The following CALN1 variants were observed in gnomAD, a reference collection of about 807,000 sequenced individuals.
The protein encoded by CALN1 is calneuron 1.
A neutral mutation model predicts 30.6 loss-of-function variants in CALN1; 17 were observed. The ratio of observed to expected loss-of-function variants is 0.56; its 90% CI spans 0.38 to 0.83. CALN1 has a LOEUF of 0.83. Ranked by LOEUF, CALN1 falls within the 40% of genes least tolerant of loss-of-function variation. The pLI is 0.00. For missense variants in CALN1, 291 were observed against 354.9 expected, an observed-to-expected ratio of 0.82 and a Z score of 1.45; for synonymous variants, 156 against 131.4, an observed-to-expected ratio of 1.19 and a Z score of -1.28.
intron 2 of CALN1, among the ~76,000 whole-genome samples, chr7:72,323,057 GA>G (rs1175341621): frequency 0.015 from 1,800 of 121,998 alleles, 23 homozygotes; most frequent in African/African-American, 0.039. Flanking sequence ...AAACCACACA[GA>G]AAAAAAAAAA....
At chr7:72,220,939 A>G (rs1359512625) in intron 3 of CALN1, among the ~76,000 whole-genome samples, 2 of 152,094 alleles carry the variant, frequency 1.3e-5, no homozygotes, top group Non-Finnish European at 2.9e-5. Context: ...GATTCTGGGT[A>G]TTAGCCCTTT....
chr7:71,902,104 A>G (rs1793882069), intron 5 of CALN1, among the ~76,000 whole-genome samples: 1 of 152,116 alleles, frequency 6.6e-6, no homozygotes, highest in Non-Finnish European at 1.5e-5. Flanking sequence ...TTAAAAAGTG[A>G]GCAAAGGACA....
chr7:72,265,923 T>C (rs942542346), intron 3 of CALN1, among the ~76,000 whole-genome samples: 2 of 151,934 alleles, frequency 1.3e-5, no homozygotes, highest in African/African-American at 4.8e-5. Flanking sequence ...CATTTGAGCC[T>C]AGGAGTTCCA....
At chr7:72,334,929 G>C (rs1008103591) in intron 2 of CALN1, among the ~76,000 whole-genome samples, 1 of 152,188 alleles carries the variant, frequency 6.6e-6, no homozygotes, top group African/African-American at 2.4e-5. Flanking sequence ...TCTTCCACCA[G>C]GGCAGGCTAC....
intron 2 of CALN1, among the ~76,000 whole-genome samples, chr7:72,349,826 C>A (rs1326566116): frequency 6.6e-6 from 1 of 152,122 alleles, no homozygotes; most frequent in African/African-American, 2.4e-5. Context: ...CTTATAGATT[C>A]TGGATATTAG....
rs1280855097 is a variant in CALN1 at position 72,336,962 on chromosome 7, G to A, written c.120-58152C>T. On this transcript the variant is annotated intron_variant, in intron 2 of 6. Transcript: ENST00000395275. ...GCACGAGCCCCCTCGTCGACTCGGAGCGCGATCTGGGCGCGTGCCTCCCTG... is the reference window on the plus strand; with the variant it reads ...GCACGAGCCCCCTCGTCGACTCGGAACGCGATCTGGGCGCGTGCCTCCCTG... 2.6e-5 allele frequency: 26 copies of A among 985,060 alleles called. No individual in the cohort carries two copies. In the Admixed American group the frequency reaches 1.6e-3, roughly 61 times the overall value. The allele number at this position is 985,060 out of a possible 1,614,324, so 61.0% of individuals were successfully genotyped here. A position where few individuals can be genotyped will look rare whatever the true frequency, so the allele number is the denominator to read the frequency against.
chr7:71,856,053 A>AT (rs1790929625), intron 5 of CALN1, among the ~76,000 whole-genome samples: 2 of 151,940 alleles, frequency 1.3e-5, no homozygotes, highest in Admixed American at 1.3e-4. Flanking sequence ...ATATGTATAT[A>AT]TTTGAGAGTT....
chr7:72,302,969 A>G (rs1386538041), intron 2 of CALN1, among the ~76,000 whole-genome samples: 2 of 150,942 alleles, frequency 1.3e-5, no homozygotes, highest in Non-Finnish European at 2.9e-5. Flanking sequence ...GTTACCACAG[A>G]GACTGAGGCA....
At chr7:72,077,648 A>T (rs1804842022) in intron 4 of CALN1, among the ~76,000 whole-genome samples, 1 of 152,156 alleles carries the variant, frequency 6.6e-6, no homozygotes, top group Non-Finnish European at 1.5e-5. Flanking sequence ...TTCCCTGGAC[A>T]AAATCTATAG....
At chr7:72,340,287 G>A (rs1459275105) in intron 2 of CALN1, among the ~76,000 whole-genome samples, 1 of 152,110 alleles carries the variant, frequency 6.6e-6, no homozygotes, top group Admixed American at 6.5e-5. Context: ...TGCCCAGGCT[G>A]GTCTCAAACT....
rs182313235 is a variant in CALN1, at chr7:72,175,857, T to C, written c.245-69563A>G. On this transcript the variant is annotated intron_variant, in intron 3 of 6. Transcript: ENST00000395275. Reference sequence around the variant, plus strand: ...GGCACAGAGGAAGAGGGAAAGTCTCTTAGGTAACCACCAAACTTCACATTC... The same window carrying C: ...GGCACAGAGGAAGAGGGAAAGTCTCCTAGGTAACCACCAAACTTCACATTC... Among the ~76,000 whole-genome samples, 793 of 152,280 alleles carry C rather than the reference T, an allele frequency of 5.2e-3. 3 individuals are homozygous for C. Among genetic ancestry groups the C allele is most frequent in the Non-Finnish European group, 8.6e-3 (586 of 68,022 alleles).
At chr7:72,484,600 G>A in the CALN1 span, among the ~76,000 whole-genome samples, 12 of 151,982 alleles carry the variant, frequency 7.9e-5, no homozygotes, top group Non-Finnish European at 1.8e-4. Context: ...GTTGAGGGTC[G>A]CCCTCTGGTA....
chr7:72,273,716 G>A (rs1340770585), intron 3 of CALN1, among the ~76,000 whole-genome samples: 2 of 151,632 alleles, frequency 1.3e-5, no homozygotes, highest in Admixed American at 6.6e-5. Flanking sequence ...TCCCTATGTT[G>A]CCCAGGCTGG....
intron 2 of CALN1, among the ~76,000 whole-genome samples, chr7:72,319,532 C>G (rs1800724563): frequency 1.3e-5 from 2 of 152,164 alleles, no homozygotes; most frequent in African/African-American, 4.8e-5. Context: ...GGTGGGGACA[C>G]AGCCAAACCA....
chr7:72,407,901 A>T (rs1806813527), intron 1 of CALN1, among the ~76,000 whole-genome samples: 1 of 152,020 alleles, frequency 6.6e-6, no homozygotes, highest in Non-Finnish European at 1.5e-5. Flanking sequence ...AGACACAAAC[A>T]CACGGAACCG....
chr7:72,479,823 T>A, the CALN1 span, among the ~76,000 whole-genome samples: 63 of 152,314 alleles, frequency 4.1e-4, no homozygotes, highest in African/African-American at 1.4e-3. Context: ...AGTGCTGGGA[T>A]AACAGGCATG....
chr7:72,460,565 G>A, the CALN1 span, among the ~76,000 whole-genome samples: 1 of 152,162 alleles, frequency 6.6e-6, no homozygotes, highest in Non-Finnish European at 1.5e-5. Context: ...CCTGGAGGTG[G>A]AGGTTGCAGT....
At chr7:72,270,784 C>CA (rs935020831) in intron 3 of CALN1, among the ~76,000 whole-genome samples, 2 of 151,880 alleles carry the variant, frequency 1.3e-5, no homozygotes, top group Admixed American at 6.6e-5. Context: ...TAAAAATAAA[C>CA]AAAAAAAGAA....
intron 5 of CALN1, among the ~76,000 whole-genome samples, chr7:71,910,444 C>T (rs571229842): frequency 6.6e-6 from 1 of 152,316 alleles, no homozygotes; most frequent in Non-Finnish European, 1.5e-5. Flanking sequence ...TTGGTGAACA[C>T]CAGTAATGTC....
Sources: gnomAD v4.1 joint callset for allele counts (sites outside exome capture counted in the v4.1 genomes callset) on GRCh38, gnomAD v4.1.1 for gene constraint, MANE v1.5 for transcripts, NCBI Gene and HGNC (gene_info 2026-07-23, HGNC 2026-07-21) for gene names.